The following PDE5A variants were observed in gnomAD, a reference collection of about 807,000 sequenced individuals.
The protein encoded by PDE5A is phosphodiesterase 5A, also known as cGMP-specific 3',5'-cyclic phosphodiesterase.
In PDE5A, 67 loss-of-function variants were observed where a neutral mutation model predicts 110.2. The ratio of observed to expected loss-of-function variants is 0.61; its 90% CI spans 0.50 to 0.75. PDE5A has a LOEUF of 0.75. Among genes scored for constraint, PDE5A ranks in the 30% least tolerant of loss-of-function variants. The pLI, the probability that PDE5A is intolerant of heterozygous loss-of-function variation, is 0.00. For synonymous variants in PDE5A, 328 were observed against 351.2 expected, an observed-to-expected ratio of 0.93 and a Z score of 0.74; for missense variants, 862 against 1,045.1, an observed-to-expected ratio of 0.82 and a Z score of 2.42.
At chr4:119,600,618 C>T (rs192223180) in intron 2 of PDE5A, among the ~76,000 whole-genome samples, 19 of 152,164 alleles carry the variant, frequency 1.2e-4, no homozygotes, top group Admixed American at 1.0e-3. Flanking sequence ...ACAAAAAGGA[C>T]TCAGCAAATT....
intron 15 of PDE5A, among the ~76,000 whole-genome samples, chr4:119,510,690 G>A (rs1374774909): frequency 6.6e-6 from 1 of 152,034 alleles, no homozygotes; most frequent in Non-Finnish European, 1.5e-5. Flanking sequence ...AGAAGAAAGG[G>A]TATTGCTTTG....
intron 3 of PDE5A, among the ~76,000 whole-genome samples, chr4:119,588,607 A>G (rs543878730): frequency 6.6e-6 from 1 of 152,184 alleles, no homozygotes; most frequent in South Asian, 2.1e-4. Flanking sequence ...AGGAGAAATA[A>G]ATGAAAATAT....
intron 20 of PDE5A, among the ~76,000 whole-genome samples, chr4:119,500,566 T>G (rs900594690): frequency 6.6e-6 from 1 of 152,136 alleles, no homozygotes; most frequent in Non-Finnish European, 1.5e-5. Flanking sequence ...TCCAAATAAT[T>G]AAAACTTAAA....
intron 3 of PDE5A, among the ~76,000 whole-genome samples, chr4:119,588,684 T>C (rs540317841): frequency 6.6e-6 from 1 of 152,294 alleles, no homozygotes; most frequent in African/African-American, 2.4e-5. Context: ...TATTTTGTAG[T>C]TGGAATTACA....
chr4:119,588,425 C>T (rs541706243), intron 3 of PDE5A, among the ~76,000 whole-genome samples: 84 of 151,928 alleles, frequency 5.5e-4, no homozygotes, highest in Admixed American at 1.7e-3. Flanking sequence ...GATCCACCCC[C>T]CTTAGCCTCC....
At chr4:119,606,675 A>C in intron 2 of PDE5A, 34 bp downstream of exon 2, 1 of 1,520,454 alleles carries the variant, frequency 6.6e-7, no homozygotes, top group Non-Finnish European at 9.1e-7. Flanking sequence ...TCCCCTCCCC[A>C]GCACTGGTCC....
intron 7 of PDE5A, among the ~76,000 whole-genome samples, chr4:119,559,880 T>A (rs1219840150): frequency 1.3e-5 from 2 of 152,188 alleles, no homozygotes. Flanking sequence ...CCATGGTTTA[T>A]CTCCCTTGAC....
chr4:119,589,694 C>G (rs1210882380), intron 3 of PDE5A, among the ~76,000 whole-genome samples: 1 of 152,106 alleles, frequency 6.6e-6, no homozygotes, highest in Non-Finnish European at 1.5e-5. Context: ...ATGAAACATG[C>G]TCCTGTAACT....
At chr4:119,523,260 T>C (rs1156981569) in intron 12 of PDE5A, among the ~76,000 whole-genome samples, 1 of 152,004 alleles carries the variant, frequency 6.6e-6, no homozygotes, top group Non-Finnish European at 1.5e-5. Context: ...CACATGCAGA[T>C]TGGCTTGAGC....
intron 3 of PDE5A, among the ~76,000 whole-genome samples, chr4:119,594,799 C>T (rs144292637): frequency 1.3e-5 from 2 of 152,276 alleles, no homozygotes; most frequent in East Asian, 1.9e-4. Context: ...AAGTAACTGA[C>T]TTAGGGCCTT....
At chr4:119,585,201 G>A (rs1728717741) in intron 3 of PDE5A, among the ~76,000 whole-genome samples, 1 of 151,810 alleles carries the variant, frequency 6.6e-6, no homozygotes, top group South Asian at 2.1e-4. Context: ...CTTGAACCCG[G>A]GAGATGGGGG....
At chr4:119,548,044 ATTTTTT>A (rs11438089) in intron 9 of PDE5A, among the ~76,000 whole-genome samples, 9 of 94,800 alleles carry the variant, frequency 9.5e-5, no homozygotes, top group Admixed American at 4.5e-4. Flanking sequence ...TTCTCCGTGT[ATTTTTT>A]TTTTTTTTTT....
chr4:119,591,214 C>T (rs1313156878), intron 3 of PDE5A, among the ~76,000 whole-genome samples: 2 of 152,238 alleles, frequency 1.3e-5, no homozygotes, highest in Admixed American at 1.3e-4. Context: ...AGCTCTTATT[C>T]CTTGTCTCTC....
chr4:119,591,106 A>G (rs1318341458), intron 3 of PDE5A, among the ~76,000 whole-genome samples: 1 of 152,230 alleles, frequency 6.6e-6, no homozygotes, highest in East Asian at 1.9e-4. Flanking sequence ...AGGGTAATCA[A>G]TAGACTATGT....
At chr4:119,522,601 G>T (rs1228176028) in intron 12 of PDE5A, among the ~76,000 whole-genome samples, 2 of 151,902 alleles carry the variant, frequency 1.3e-5, no homozygotes, top group Non-Finnish European at 2.9e-5. Flanking sequence ...TGACCAAAAT[G>T]ACTCTATGAA....
chr4:119,540,892 C>A (rs763884952), intron 10 of PDE5A, among the ~76,000 whole-genome samples: 1 of 152,114 alleles, frequency 6.6e-6, no homozygotes, highest in Non-Finnish European at 1.5e-5. Flanking sequence ...AATGACTACA[C>A]ATATGACCTG....
At chr4:119,565,987 T>C (rs1222061436) in intron 4 of PDE5A, among the ~76,000 whole-genome samples, 1 of 149,348 alleles carries the variant, frequency 6.7e-6, no homozygotes, top group African/African-American at 2.4e-5. Context: ...TAATAATTAA[T>C]AGTATTAATT....
Position 119,542,547 on chromosome 4 carries a change from A to G in PDE5A, c.1484T>C (p.Phe495Ser), listed in dbSNP as rs1279144747. The change falls in exon 10 of 21, where the codon TTT becomes TCT. Residue 495 changes from phenylalanine (F) to serine (S), a missense_variant. Physicochemically the swap from Phe to Ser is radical, Grantham distance 155. Coordinates refer to ENST00000354960, the MANE Select transcript of PDE5A (RefSeq NM_001083.4). ...GATCCCCAAGCCACAAAAGATGACA[A>G]AAGCTTCCAGAAACTGTTCGTCATT... ...NRNDEQFLEA[F>S]VIFCGLGIQN... 8 of 1,614,028 alleles carry G rather than the reference A, an allele frequency of 5.0e-6. No homozygotes were observed. The highest frequency in any genetic ancestry group is 6.8e-6 in the Non-Finnish European group (8 of 1,179,940).
chr4:119,553,073 A>G (rs1727415249), intron 8 of PDE5A, among the ~76,000 whole-genome samples: 1 of 152,072 alleles, frequency 6.6e-6, no homozygotes, highest in Admixed American at 6.6e-5. Context: ...AGTTCTAACA[A>G]TGTCTCCAAA....
Sources: gnomAD v4.1 joint callset for allele counts (sites outside exome capture counted in the v4.1 genomes callset) on GRCh38, gnomAD v4.1.1 for gene constraint, MANE v1.5 for transcripts, NCBI Gene and HGNC (gene_info 2026-07-23, HGNC 2026-07-21) for gene names.